ATIC: variants seen among roughly 807,000 people sequenced by gnomAD.
ATIC encodes the protein 5-aminoimidazole-4-carboxamide ribonucleotide formyltransferase/IMP cyclohydrolase, also known as bifunctional purine biosynthesis protein ATIC.
In ATIC, 64 loss-of-function variants were observed where a neutral mutation model predicts 72.5. The ratio of observed to expected loss-of-function variants is 0.88; its 90% CI spans 0.72 to 1.09. The LOEUF is 1.09. ATIC is among the 50% of genes least tolerant of loss of function. The probability of loss-of-function intolerance (pLI) is 0.00; values close to 1 mark genes in which losing one functional copy is unlikely to be tolerated. For synonymous variants in ATIC, 281 were observed against 267.1 expected, an observed-to-expected ratio of 1.05 and a Z score of -0.51; for missense variants, 787 against 732.4, an observed-to-expected ratio of 1.07 and a Z score of -0.86.
chr2:215,349,825 G>T, downstream of ATIC: 1 of 1,194,536 alleles, frequency 8.4e-7, no homozygotes, highest in Non-Finnish European at 1.2e-6. Context: ...ACTGACACAT[G>T]ACACATAACA....
At chr2:215,332,620 AAGTCATCTGTTGATAAC>A in intron 8 of ATIC, 113 bp downstream of exon 8, 1 of 1,356,994 alleles carries the variant, frequency 7.4e-7, no homozygotes, top group East Asian at 2.5e-5. Flanking sequence ...TGAAATCTGA[AAGTCATCTGTTGATAAC>A]AGTATCAATG....
At chr2:215,330,480 T>TA (rs1232529101) in intron 7 of ATIC, among the ~76,000 whole-genome samples, 1 of 152,210 alleles carries the variant, frequency 6.6e-6, no homozygotes, top group Non-Finnish European at 1.5e-5. Context: ...GTGTATTTGT[T>TA]ACAACTGATG....
At chr2:215,354,103 C>T (rs1244826612), downstream of ATIC, among the ~76,000 whole-genome samples, 2 of 152,032 alleles carry the variant, frequency 1.3e-5, no homozygotes, top group Non-Finnish European at 2.9e-5. Context: ...TCTCCACTCA[C>T]CACAGCCTCT....
At position 215,326,907 on chromosome 2, in the gene ATIC, TG is replaced by T; in HGVS notation, c.618del (p.Arg207AspfsTer4). 6.2e-7 allele frequency: 1 copy of T among 1,613,344 alleles called. No individual in the cohort carries two copies. Among genetic ancestry groups the T allele is most frequent in the Non-Finnish European group, 8.5e-7 (1 of 1,179,372 alleles). On this transcript the variant is annotated frameshift_variant, in exon 7 of 16. Coordinates refer to ENST00000236959, the MANE Select transcript of ATIC (RefSeq NM_004044.7). LOFTEE classifies it high-confidence loss of function. ...AGCAAAGGCGTATCTCAGATGCCCT[TG>T]AGATATGGAATGAACCCACATCAGA... ...QYSKGVSQMP[L>X]RYGMNPHQTP...
At chr2:215,337,938 A>G (rs1039883755) in intron 11 of ATIC, among the ~76,000 whole-genome samples, 5 of 152,238 alleles carry the variant, frequency 3.3e-5, no homozygotes, top group African/African-American at 7.2e-5. Flanking sequence ...ACTAATGATA[A>G]GTTTCTCCTA....
Position 215,318,161 on chromosome 2 carries a change from G to A in ATIC, c.151G>A (p.Val51Ile), listed in dbSNP as rs780025938. The A allele has an allele frequency of 1.2e-6, 2 of 1,613,648 alleles. No individual in the cohort carries two copies. The highest frequency in any genetic ancestry group is 1.3e-5 in the African/African-American group (1 of 75,034). Residue 51 changes from valine to isoleucine, a missense_variant, in exon 3 of 16, where the codon GTC becomes ATC. By Grantham distance (29) the Val-to-Ile change is conservative. Transcript: ENST00000236959. The stretch of plus-strand genomic sequence containing the variant: ...TTCTGTTTATCTGTTTTTCAGAGAT[G>A]TCTCTGAGTTGACGGGATTTCCTGA... The part of the protein sequence containing the change: ...LRDAGLAVRD[V>I]SELTGFPEML...
chr2:215,339,834 C>T (rs948561077), intron 12 of ATIC, among the ~76,000 whole-genome samples: 1 of 152,068 alleles, frequency 6.6e-6, no homozygotes. Flanking sequence ...GACGGTGTTT[C>T]ACTGTGTTAG....
Position 215,346,798 on chromosome 2 carries a change from T to C in ATIC, c.1360T>C (p.Cys454Arg), listed in dbSNP as rs2053075193. 1 of 1,614,178 alleles carries C rather than the reference T, an allele frequency of 6.2e-7. No homozygotes were observed. The highest frequency in any genetic ancestry group is 8.5e-7 in the Non-Finnish European group (1 of 1,180,040). ...IGAGQQSRIH[C>R]TRLAGDKANY... ...AGCAGGACAGCAGTCTCGTATACAC[T>C]GCACTCGCCTTGCAGGAGATAAGGC... is the stretch of plus-strand genomic sequence containing the variant. Residue 454 changes from cysteine (C) to arginine (R), a missense_variant, in exon 14 of 16, where the codon TGC (cysteine) becomes CGC (arginine). By Grantham distance (180) the Cys-to-Arg change is radical. Coordinates refer to ENST00000236959, the MANE Select transcript of ATIC (RefSeq NM_004044.7).
rs576082985 is a variant in ATIC, at chr2:215,321,694, C to G, written c.290+1963C>G. On this transcript the variant is annotated intron_variant, in intron 4 of 15. Transcript: ENST00000236959. ...TTCTAGGGGTTCTGAAGTGGCATCT[C>G]ATTGTGGTTATAATTTGCTTTCCAA... Among the ~76,000 whole-genome samples the G allele has an allele frequency of 2.2e-4, 34 of 152,328 alleles. No homozygotes were observed. In the South Asian group the frequency reaches 6.4e-3, roughly 29 times the overall value.
the ATIC span, among the ~76,000 whole-genome samples, chr2:215,354,829 G>A: frequency 6.6e-6 from 1 of 151,492 alleles, no homozygotes; most frequent in Non-Finnish European, 1.5e-5. Context: ...GTTGTGGTAT[G>A]TTGGCCTGTG....
intron 7 of ATIC, among the ~76,000 whole-genome samples, chr2:215,328,307 T>C (rs2052851894): frequency 1.3e-5 from 2 of 152,142 alleles, no homozygotes; most frequent in East Asian, 1.9e-4. Context: ...CAGTAATCTT[T>C]TAAAAATGGA....
At chr2:215,356,718 G>T in the ATIC span, among the ~76,000 whole-genome samples, 66 of 152,244 alleles carry the variant, frequency 4.3e-4, no homozygotes, top group African/African-American at 1.4e-3. Context: ...GTGCTCTTTC[G>T]TGTCTGGCTT....
At chr2:215,366,722 AC>A in the ATIC span, among the ~76,000 whole-genome samples, 1 of 152,240 alleles carries the variant, frequency 6.6e-6, no homozygotes, top group Non-Finnish European at 1.5e-5. Flanking sequence ...TGATATCAAA[AC>A]AAAGATTATG....
At chr2:215,331,385 T>TG (rs1559273170) in intron 7 of ATIC, among the ~76,000 whole-genome samples, 1 of 149,406 alleles carries the variant, frequency 6.7e-6, no homozygotes, top group Non-Finnish European at 1.5e-5. Flanking sequence ...TTTTGGGTTT[T>TG]TTTTTTTTTT....
Position 215,349,632 on chromosome 2 carries a change from A to G in ATIC, c.1756A>G (p.Asn586Asp). Reference sequence around the variant, plus strand: ...ACTGGGAATCATCCTCGCTCATACGAACCTTCGGCTCTTCCACCACTGATT... The same window carrying G: ...ACTGGGAATCATCCTCGCTCATACGGACCTTCGGCTCTTCCACCACTGATT... ...DELGIILAHT[N>D]LRLFHH The change falls in exon 16 of 16, where the codon AAC becomes GAC. Residue 586 changes from asparagine (N) to aspartate (D), a missense_variant. Physicochemically the swap from Asn to Asp is conservative, Grantham distance 23. Transcript: ENST00000236959. The G allele has an allele frequency of 1.2e-6, 2 of 1,614,164 alleles. No individual in the cohort carries two copies. The highest frequency in any genetic ancestry group is 1.7e-6 in the Non-Finnish European group (2 of 1,180,038).
the ATIC span, chr2:215,361,550 A>C: frequency 1.9e-6 from 3 of 1,594,634 alleles, no homozygotes; most frequent in Non-Finnish European, 2.6e-6. Flanking sequence ...GATTGGAAAG[A>C]TGATTTACTC....
chr2:215,332,300 C>A, intron 7 of ATIC, 82 bp from the exon 8 acceptor site: 1 of 1,561,264 alleles, frequency 6.4e-7, no homozygotes, highest in Non-Finnish European at 8.8e-7. Flanking sequence ...TTTGTTTAGT[C>A]ATGTTATTTT....
At chr2:215,367,778 C>A in the ATIC span, 1 of 1,374,686 alleles carries the variant, frequency 7.3e-7, no homozygotes, top group South Asian at 1.2e-5. Flanking sequence ...CCTGTGTCTT[C>A]CAAACATGCT....
chr2:215,339,795 T>C (rs548637518), intron 12 of ATIC, among the ~76,000 whole-genome samples: 55 of 151,994 alleles, frequency 3.6e-4, no homozygotes, highest in Non-Finnish European at 6.6e-4. Flanking sequence ...CCACAACGCC[T>C]GGCTAATTTT....
Sources: gnomAD v4.1 joint callset for allele counts (sites outside exome capture counted in the v4.1 genomes callset) on GRCh38, gnomAD v4.1.1 for gene constraint, MANE v1.5 for transcripts, NCBI Gene and HGNC (gene_info 2026-07-23, HGNC 2026-07-21) for gene names.